Variants in CACHD1 observed in about 807,000 individuals in gnomAD.
CACHD1 encodes the protein cache domain containing 1, also known as VWFA and cache domain-containing protein 1.
CACHD1 carries 71 observed loss-of-function variants against 138.7 expected under a neutral mutation model. The ratio of observed to expected loss-of-function variants is 0.51; its 90% CI spans 0.42 to 0.62. The LOEUF (loss-of-function observed/expected upper bound fraction) is 0.62. Among genes scored for constraint, CACHD1 ranks in the 20% least tolerant of loss-of-function variants. The pLI, the probability that CACHD1 is intolerant of heterozygous loss-of-function variation, is 0.00. For missense variants in CACHD1, 1,389 were observed against 1,625.3 expected, an observed-to-expected ratio of 0.85 and a Z score of 2.50; for synonymous variants, 578 against 591.5, an observed-to-expected ratio of 0.98 and a Z score of 0.33.
rs544286205 is a variant in CACHD1, at chr1:64,516,475, C to T, written c.199-34119C>T. Among the ~76,000 whole-genome samples the T allele has an allele frequency of 4.6e-5, 7 of 152,266 alleles. No homozygotes were observed. The South Asian group carries it at 1.2e-3, about 27-fold the overall frequency. ...AACACCCGGCATAATGCCTGGCACACGCTAGGTACTTAGTAAATGTTTACT... is the reference window on the plus strand; with the variant it reads ...AACACCCGGCATAATGCCTGGCACATGCTAGGTACTTAGTAAATGTTTACT... On this transcript the variant is annotated intron_variant, in intron 1 of 26. Coordinates refer to ENST00000651257, the MANE Select transcript of CACHD1 (RefSeq NM_020925.4).
intron 1 of CACHD1, among the ~76,000 whole-genome samples, chr1:64,482,139 T>A (rs1209400559): frequency 6.6e-6 from 1 of 152,104 alleles, no homozygotes; most frequent in East Asian, 1.9e-4. Flanking sequence ...ATTTTAAGAG[T>A]TTTTCTGTGA....
intron 1 of CACHD1, among the ~76,000 whole-genome samples, chr1:64,514,786 T>C (rs916432511): frequency 3.3e-5 from 5 of 152,226 alleles, no homozygotes; most frequent in African/African-American, 9.6e-5. Context: ...GAAAATAAGA[T>C]ATGTATTAAT....
chr1:64,592,167 A>G (rs558073127), intron 3 of CACHD1, among the ~76,000 whole-genome samples: 1 of 152,210 alleles, frequency 6.6e-6, no homozygotes, highest in African/African-American at 2.4e-5. Context: ...CATGTTTGAT[A>G]TTGATTTAGT....
chr1:64,517,218 A>AT (rs1646465404), intron 1 of CACHD1, among the ~76,000 whole-genome samples: 1 of 152,178 alleles, frequency 6.6e-6, no homozygotes, highest in African/African-American at 2.4e-5. Context: ...ATCTGCAAAT[A>AT]TTTTTTCAGT....
intron 1 of CACHD1, among the ~76,000 whole-genome samples, chr1:64,509,697 A>T (rs543234518): frequency 1.3e-5 from 2 of 152,304 alleles, no homozygotes; most frequent in South Asian, 4.1e-4. Context: ...CAAAATTAAG[A>T]CTGTGAAGTA....
At chr1:64,598,994 A>C (rs909163764) in intron 3 of CACHD1, among the ~76,000 whole-genome samples, 2 of 151,274 alleles carry the variant, frequency 1.3e-5, no homozygotes, top group African/African-American at 4.8e-5. Context: ...ATGAAGGCAG[A>C]GCCCCCATGA....
At chr1:64,546,588 GC>G (rs1557486603) in intron 1 of CACHD1, among the ~76,000 whole-genome samples, 1 of 152,044 alleles carries the variant, frequency 6.6e-6, no homozygotes, top group Admixed American at 6.6e-5. Context: ...ACCTGCCTCA[GC>G]CCCCCAAAAT....
chr1:64,613,001 G>C (rs144936151), intron 4 of CACHD1, among the ~76,000 whole-genome samples: 97 of 152,290 alleles, frequency 6.4e-4, no homozygotes, highest in African/African-American at 2.2e-3. Context: ...TTCATGGAAG[G>C]AGGTCAAAAT....
chr1:64,629,038 G>A (rs568067295), intron 4 of CACHD1, among the ~76,000 whole-genome samples: 70 of 152,298 alleles, frequency 4.6e-4, no homozygotes, highest in South Asian at 2.1e-4. Context: ...GTGTGTGCTA[G>A]CCCAACAGGG....
chr1:64,559,066 A>T (rs142600198), intron 2 of CACHD1, among the ~76,000 whole-genome samples: 1 of 152,198 alleles, frequency 6.6e-6, no homozygotes, highest in Admixed American at 6.5e-5. Context: ...AATTAGTTCA[A>T]CCATTGTGGA....
At chr1:64,518,467 T>C (rs1164415916) in intron 1 of CACHD1, among the ~76,000 whole-genome samples, 5 of 152,212 alleles carry the variant, frequency 3.3e-5, no homozygotes, top group African/African-American at 1.2e-4. Context: ...CCTATTATTC[T>C]CAATCAAGTT....
chr1:64,475,785 T>A (rs1218068876), intron 1 of CACHD1, among the ~76,000 whole-genome samples: 1 of 152,136 alleles, frequency 6.6e-6, no homozygotes, highest in East Asian at 1.9e-4. Flanking sequence ...CCTGACCTCG[T>A]GATCCACCCG....
chr1:64,670,842 A>C (rs1301742733), intron 16 of CACHD1, among the ~76,000 whole-genome samples: 1 of 152,242 alleles, frequency 6.6e-6, no homozygotes, highest in Non-Finnish European at 1.5e-5. Context: ...GTGAAACAGC[A>C]TTCCATAAGC....
chr1:64,491,262 T>TC (rs1557460355), intron 1 of CACHD1, among the ~76,000 whole-genome samples: 20 of 144,528 alleles, frequency 1.4e-4, no homozygotes, highest in African/African-American at 5.0e-4. Context: ...CTCTCTCTCT[T>TC]TTTTTTTTTT....
At chr1:64,625,521 G>A (rs917258503) in intron 4 of CACHD1, among the ~76,000 whole-genome samples, 1 of 152,044 alleles carries the variant, frequency 6.6e-6, no homozygotes, top group Non-Finnish European at 1.5e-5. Flanking sequence ...CAGCTACTTG[G>A]GCGGCTGAGG....
chr1:64,662,528 ACAAT>A (rs1356325857), intron 13 of CACHD1, among the ~76,000 whole-genome samples: 1 of 152,216 alleles, frequency 6.6e-6, no homozygotes, highest in African/African-American at 2.4e-5. Context: ...AATGTCCAGC[ACAAT>A]CAGAGATCAC....
At chr1:64,501,190 T>G (rs1557463849) in intron 1 of CACHD1, among the ~76,000 whole-genome samples, 1 of 152,200 alleles carries the variant, frequency 6.6e-6, no homozygotes, top group South Asian at 2.1e-4. Context: ...CCTCCTGCAT[T>G]TTAATACAGA....
chr1:64,525,250 T>C (rs1173694892), intron 1 of CACHD1, among the ~76,000 whole-genome samples: 1 of 152,162 alleles, frequency 6.6e-6, no homozygotes, highest in Non-Finnish European at 1.5e-5. Flanking sequence ...ATTGAGAAAT[T>C]AGTACTCAAG....
intron 8 of CACHD1, 97 bp downstream of exon 8, chr1:64,642,066 A>T: frequency 1.7e-6 from 2 of 1,180,610 alleles, no homozygotes; most frequent in Non-Finnish European, 2.3e-6. Context: ...GTGTGCTTGG[A>T]TGAAGGCTAC....
Sources: gnomAD v4.1 joint callset for allele counts (sites outside exome capture counted in the v4.1 genomes callset) on GRCh38, gnomAD v4.1.1 for gene constraint, MANE v1.5 for transcripts, NCBI Gene and HGNC (gene_info 2026-07-23, HGNC 2026-07-21) for gene names.